The following NRXN1 variants were observed in gnomAD, a reference collection of about 807,000 sequenced individuals.
NRXN1 encodes the protein neurexin-1.
In NRXN1, 39 loss-of-function variants were observed where a neutral mutation model predicts 150.9. That is an observed-to-expected ratio of 0.26 (90% CI 0.20 to 0.34). The LOEUF (loss-of-function observed/expected upper bound fraction) is 0.34. NRXN1 is among the 10% of genes least tolerant of loss of function. The probability of loss-of-function intolerance (pLI) is 1.00; values close to 1 mark genes in which losing one functional copy is unlikely to be tolerated. For missense variants in NRXN1, 1,815 were observed against 1,949.9 expected (o/e 0.93, Z 1.30); for synonymous variants, 924 against 757.0 (o/e 1.22, Z -3.62).
In NRXN1 at chr2:50,552,807, T is replaced by C; in HGVS notation, c.1539A>G (p.Pro513=). Residue 513 remains proline (P), a synonymous_variant, in exon 9 of 23, where the codon CCA becomes CCG. Coordinates refer to ENST00000401669, the MANE Select transcript of NRXN1 (RefSeq NM_001330078.2). ...SISFDFRTTE[P]NGLILFSHGK... is the part of the protein sequence containing the mutation. ...CATGGCTAAATAAGATGAGGCCATT[T>C]GGCTCTGTTGTACGGAAATCAAATG... 6.2e-7 allele frequency: 1 copy of C among 1,613,992 alleles called. No individual in the cohort carries two copies. Among genetic ancestry groups the C allele is most frequent in the Non-Finnish European group, 8.5e-7 (1 of 1,179,860 alleles).
intron 20 of NRXN1, 120 bp downstream of exon 20, chr2:50,054,835 T>G (rs1425378752): frequency 6.4e-5 from 40 of 621,380 alleles, no homozygotes; most frequent in Non-Finnish European, 8.4e-5. Flanking sequence ...TGTTTTAAAG[T>G]TGTTTTTAAT....
At chr2:50,168,883 T>C (rs1001873239) in intron 18 of NRXN1, among the ~76,000 whole-genome samples, 2 of 152,200 alleles carry the variant, frequency 1.3e-5, no homozygotes, top group Non-Finnish European at 1.5e-5. Flanking sequence ...AAAAGAATGC[T>C]GTATCCTTTT....
intron 5 of NRXN1, among the ~76,000 whole-genome samples, chr2:50,680,643 C>T (rs1012260266): frequency 2.6e-5 from 4 of 151,838 alleles, no homozygotes; most frequent in Non-Finnish European, 4.4e-5. Flanking sequence ...TATTACACAG[C>T]CTTTGTGAGA....
intron 17 of NRXN1, among the ~76,000 whole-genome samples, chr2:50,296,831 T>C (rs1483440986): frequency 6.6e-6 from 1 of 151,654 alleles, no homozygotes; most frequent in Non-Finnish European, 1.5e-5. Flanking sequence ...CTTAGAATAT[T>C]GGCCTCCACC....
intron 15 of NRXN1, among the ~76,000 whole-genome samples, chr2:50,474,683 CAAAAAAA>C (rs754558377): frequency 5.5e-5 from 3 of 54,992 alleles, no homozygotes; most frequent in African/African-American, 2.5e-4. Flanking sequence ...ACAGAAATAG[CAAAAAAA>C]AAAAAAAAAA....
intron 18 of NRXN1, among the ~76,000 whole-genome samples, chr2:50,165,285 A>G (rs150950505): frequency 2.0e-5 from 3 of 152,330 alleles, no homozygotes; most frequent in Non-Finnish European, 4.4e-5. Context: ...CGGTAGCAGG[A>G]GCAACAGCAT....
At chr2:50,970,143 A>G (rs1694775399) in intron 2 of NRXN1, among the ~76,000 whole-genome samples, 1 of 152,170 alleles carries the variant, frequency 6.6e-6, no homozygotes. Context: ...GTTTTTACAC[A>G]GAAAGGTGGA....
At chr2:50,232,485 C>A (rs1487111850) in intron 18 of NRXN1, among the ~76,000 whole-genome samples, 1 of 143,718 alleles carries the variant, frequency 7.0e-6, no homozygotes, top group Non-Finnish European at 1.5e-5. Context: ...CTTCTGGGTT[C>A]AAACGATTCT....
At position 50,019,967 on chromosome 2, in the gene NRXN1, AAAAAAAGAGAG is replaced by A. The variant is rs1206464881; in HGVS notation, c.4128+33293_4128+33303del. On this transcript the variant is annotated intron_variant, in intron 21 of 22. Coordinates refer to ENST00000401669, the MANE Select transcript of NRXN1 (RefSeq NM_001330078.2). ...CGTCTCAAAAAAAAAAAAAAAAAAA[AAAAAAAGAGAG>A]AGAGAGAGACCTAGGGAGCTACGTC... Among the ~76,000 whole-genome samples, 43 of 120,044 alleles carry A rather than the reference AAAAAAAGAGAG, an allele frequency of 3.6e-4. 4 individuals are homozygous for A. The highest frequency in any genetic ancestry group is 1.5e-3 in the East Asian group (6 of 4,082). 78.8% of individuals were successfully genotyped at this position (120,044 alleles called of 152,430 possible).
intron 21 of NRXN1, among the ~76,000 whole-genome samples, chr2:49,995,704 C>T (rs1682826124): frequency 7.2e-6 from 1 of 138,502 alleles, no homozygotes; most frequent in African/African-American, 2.7e-5. Context: ...TGGCGTAAAC[C>T]TGGGAGGCGG....
At chr2:49,973,709 C>T (rs1250029143) in intron 21 of NRXN1, 3 of 469,418 alleles carry the variant, frequency 6.4e-6, no homozygotes, top group Admixed American at 3.9e-5. Context: ...AAGCAGCAGA[C>T]AAAACTAGAA....
chr2:50,766,103 A>C (rs1187587822), intron 5 of NRXN1, among the ~76,000 whole-genome samples: 1 of 152,074 alleles, frequency 6.6e-6, no homozygotes, highest in East Asian at 1.9e-4. Flanking sequence ...GAAGATTCTT[A>C]AGAGTTAAAG....
intron 17 of NRXN1, among the ~76,000 whole-genome samples, chr2:50,354,307 A>G (rs2078630713): frequency 6.6e-6 from 1 of 151,816 alleles, no homozygotes; most frequent in Non-Finnish European, 1.5e-5. Context: ...TTGTTGCCTT[A>G]CCAGTGGCTA....
At chr2:50,366,503 T>C (rs1020080862) in intron 17 of NRXN1, among the ~76,000 whole-genome samples, 5 of 151,882 alleles carry the variant, frequency 3.3e-5, no homozygotes, top group African/African-American at 1.2e-4. Context: ...AGTAGAACCA[T>C]TTGAAAGGAT....
chr2:50,082,747 T>C (rs184963212), intron 19 of NRXN1, among the ~76,000 whole-genome samples: 1 of 152,276 alleles, frequency 6.6e-6, no homozygotes, highest in Admixed American at 6.5e-5. Flanking sequence ...TGTTTTCTGA[T>C]AGTGATAATA....
intron 2 of NRXN1, among the ~76,000 whole-genome samples, chr2:50,975,144 C>T (rs1214441325): frequency 6.6e-6 from 1 of 152,100 alleles, no homozygotes; most frequent in Non-Finnish European, 1.5e-5. Context: ...CCAGAAGCTA[C>T]ATGATTTGAT....
intron 2 of NRXN1, among the ~76,000 whole-genome samples, chr2:50,990,340 C>T (rs1290877146): frequency 2.0e-5 from 3 of 152,044 alleles, no homozygotes; most frequent in Non-Finnish European, 4.4e-5. Context: ...TAAATTACTA[C>T]TTCACATTAT....
chr2:50,002,243 A>G (rs1018365546), intron 21 of NRXN1, among the ~76,000 whole-genome samples: 2 of 152,146 alleles, frequency 1.3e-5, no homozygotes, highest in African/African-American at 4.8e-5. Flanking sequence ...TTCATTACAC[A>G]GCATAGAAAA....
chr2:50,544,037 A>G (rs2093442053), intron 9 of NRXN1, among the ~76,000 whole-genome samples: 1 of 152,176 alleles, frequency 6.6e-6, no homozygotes, highest in Admixed American at 6.5e-5. Context: ...ATGGATTATT[A>G]AGATTCATTT....
Sources: allele counts gnomAD v4.1 joint callset (sites outside exome capture counted in the v4.1 genomes callset), GRCh38; gene constraint gnomAD v4.1.1; transcripts MANE v1.5; gene names NCBI Gene and HGNC (gene_info 2026-07-23, HGNC 2026-07-21).